MCPH1: variants seen among roughly 807,000 people sequenced by gnomAD.
MCPH1 encodes the protein microcephalin 1.
MCPH1 carries 104 observed loss-of-function variants against 84.5 expected under a neutral mutation model. That is an observed-to-expected ratio of 1.23 (90% CI 1.05 to 1.45). The LOEUF is 1.45. MCPH1 is among the 40% of genes most tolerant of loss of function. The pLI, the probability that MCPH1 is intolerant of heterozygous loss-of-function variation, is 0.00. For missense variants in MCPH1, 1,498 were observed against 1,005.7 expected (o/e 1.49, Z -6.62); for synonymous variants, 514 against 366.8 (o/e 1.40, Z -4.58).
At chr8:6,505,293 A>ATGTTT (rs1563305690) in intron 12 of MCPH1, among the ~76,000 whole-genome samples, 4,527 of 69,170 alleles carry the variant, frequency 0.065, 882 homozygotes, top group African/African-American at 0.22. Flanking sequence ...TATGTTATAT[A>ATGTTT]CATATATATG....
At chr8:6,635,035 C>T (rs1477984175) in intron 13 of MCPH1, 3 of 152,120 alleles carry the variant, frequency 2.0e-5, no homozygotes, top group Admixed American at 6.6e-5. Context: ...CTCTGGCCTA[C>T]GACTGTGTTC....
chr8:6,446,301 T>G (rs996089351), intron 8 of MCPH1: 1 of 985,274 alleles, frequency 1.0e-6, no homozygotes, highest in East Asian at 1.1e-4. Context: ...ACTTTGACCG[T>G]CTTTACCTAA....
intron 12 of MCPH1, among the ~76,000 whole-genome samples, chr8:6,582,008 T>A (rs970550474): frequency 2.0e-5 from 3 of 152,106 alleles, no homozygotes; most frequent in African/African-American, 7.2e-5. Context: ...TACTCTTGCA[T>A]TGGGGATTAG....
intron 12 of MCPH1, among the ~76,000 whole-genome samples, chr8:6,596,043 T>C (rs1263551441): frequency 3.3e-5 from 5 of 152,228 alleles, no homozygotes; most frequent in African/African-American, 1.2e-4. Flanking sequence ...TACAAAAAAG[T>C]ATGTTTCTGT....
intron 13 of MCPH1, among the ~76,000 whole-genome samples, chr8:6,623,925 G>A (rs191879515): frequency 1.2e-4 from 18 of 152,164 alleles, no homozygotes; most frequent in African/African-American, 4.8e-5. Context: ...CTGTGCACAC[G>A]ATTGATATCC....
chr8:6,544,738 C>T (rs1822241132), intron 12 of MCPH1, among the ~76,000 whole-genome samples: 1 of 152,184 alleles, frequency 6.6e-6, no homozygotes, highest in African/African-American at 2.4e-5. Flanking sequence ...GATAAAGACA[C>T]AGATACAGCA....
At chr8:6,633,038 C>T (rs1247553004) in intron 13 of MCPH1, among the ~76,000 whole-genome samples, 3 of 147,932 alleles carry the variant, frequency 2.0e-5, no homozygotes, top group South Asian at 2.1e-4. Flanking sequence ...AAAAAAAAAA[C>T]TCTTCAGAAA....
At chr8:6,432,191 A>G (rs1050394211) in intron 4 of MCPH1, among the ~76,000 whole-genome samples, 7 of 152,204 alleles carry the variant, frequency 4.6e-5, no homozygotes, top group African/African-American at 1.7e-4. Context: ...GCTAGTCTCA[A>G]ACTCCTGGCC....
intron 12 of MCPH1, among the ~76,000 whole-genome samples, chr8:6,593,062 CTA>C (rs1468680310): frequency 6.9e-6 from 1 of 144,752 alleles, no homozygotes; most frequent in African/African-American, 2.6e-5. Context: ...AGTTTGGACA[CTA>C]TGTTTTTTAG....
At chr8:6,419,978 G>C (rs769138606) in intron 3 of MCPH1, among the ~76,000 whole-genome samples, 1 of 151,828 alleles carries the variant, frequency 6.6e-6, no homozygotes, top group Non-Finnish European at 1.5e-5. Context: ...CATAGGCCAG[G>C]CTTGTGGCCA....
chr8:6,568,499 A>G (rs140406518), intron 12 of MCPH1, among the ~76,000 whole-genome samples: 1 of 152,212 alleles, frequency 6.6e-6, no homozygotes. Context: ...TGTCCAGTTT[A>G]ATGCTCAGCA....
intron 13 of MCPH1, among the ~76,000 whole-genome samples, chr8:6,641,814 C>T (rs534423875): frequency 1.3e-5 from 2 of 152,216 alleles, no homozygotes; most frequent in South Asian, 4.2e-4. Context: ...AGTAGTATGC[C>T]TAGTACTAAT....
chr8:6,539,191 G>A (rs73507141), intron 12 of MCPH1, among the ~76,000 whole-genome samples: 1 of 152,188 alleles, frequency 6.6e-6, no homozygotes, highest in Non-Finnish European at 1.5e-5. Context: ...CAGAGCCTGG[G>A]GGGTAGGCAC....
rs59299448 is a variant in MCPH1, at chr8:6,559,230, AACACACAC to A, written c.2214+59325_2214+59332del. Reference sequence around the variant, plus strand: ...TGAGTGTTTTGTAGCCACACACGACAACACACACACACACACACACACACACACACAGA... The same window carrying A: ...TGAGTGTTTTGTAGCCACACACGACAACACACACACACACACACACACAGA... On this transcript the variant is annotated intron_variant, in intron 12 of 13. Coordinates refer to ENST00000344683, the MANE Select transcript of MCPH1 (RefSeq NM_024596.5). 8.9e-5 allele frequency among the ~76,000 whole-genome samples: 13 copies of A among 146,816 alleles called. No individual in the cohort carries two copies. In the East Asian group the frequency reaches 1.0e-3, roughly 11 times the overall value.
chr8:6,473,610 C>T (rs1434843937), intron 9 of MCPH1, among the ~76,000 whole-genome samples: 4 of 152,208 alleles, frequency 2.6e-5, no homozygotes, highest in Non-Finnish European at 4.4e-5. Context: ...GGATTACAGG[C>T]GTGAGCCACC....
At chr8:6,433,294 C>T (rs910547693) in intron 4 of MCPH1, among the ~76,000 whole-genome samples, 2 of 152,074 alleles carry the variant, frequency 1.3e-5, no homozygotes, top group Non-Finnish European at 2.9e-5. Flanking sequence ...GGTAAGAATA[C>T]ATACACATTT....
chr8:6,617,463 T>A (rs1563196088), intron 12 of MCPH1, among the ~76,000 whole-genome samples: 1 of 151,916 alleles, frequency 6.6e-6, no homozygotes, highest in South Asian at 2.1e-4. Flanking sequence ...AACTTCTGGG[T>A]CAATATATAA....
intron 12 of MCPH1, among the ~76,000 whole-genome samples, chr8:6,583,220 A>G (rs1827698954): frequency 6.6e-6 from 1 of 152,046 alleles, no homozygotes. Flanking sequence ...TTGAAGCAGC[A>G]CACATTTCAG....
intron 11 of MCPH1, among the ~76,000 whole-genome samples, chr8:6,487,162 T>C (rs1376293103): frequency 6.6e-6 from 1 of 152,226 alleles, no homozygotes; most frequent in East Asian, 1.9e-4. Flanking sequence ...AATACAAGTG[T>C]AGGGCTTAAA....
Sources: allele counts gnomAD v4.1 joint callset (sites outside exome capture counted in the v4.1 genomes callset), GRCh38; gene constraint gnomAD v4.1.1; transcripts MANE v1.5; gene names NCBI Gene and HGNC (gene_info 2026-07-23, HGNC 2026-07-21).